The following MAGI2 variants were observed in gnomAD, a reference collection of about 807,000 sequenced individuals.
MAGI2 encodes membrane associated guanylate kinase, WW and PDZ domain containing 2.
A neutral mutation model predicts 133.3 loss-of-function variants in MAGI2; 35 were observed. The ratio of observed to expected loss-of-function variants is 0.26; its 90% CI spans 0.20 to 0.35. MAGI2 has a LOEUF of 0.35. MAGI2 is among the 10% of genes least tolerant of loss of function. The pLI is 1.00. For missense variants in MAGI2, 1,636 were observed against 1,863.4 expected (o/e 0.88, Z 2.25); for synonymous variants, 729 against 710.6 (o/e 1.03, Z -0.41).
chr7:78,059,775 A>ATTT (rs141199304), intron 21 of MAGI2, among the ~76,000 whole-genome samples: 147 of 89,444 alleles, frequency 1.6e-3, no homozygotes, highest in East Asian at 0.013. Context: ...ATATATATAT[A>ATTT]TATTTTTTTT....
intron 6 of MAGI2, among the ~76,000 whole-genome samples, chr7:78,445,341 G>A (rs1465225805): frequency 2.6e-5 from 4 of 151,958 alleles, no homozygotes; most frequent in East Asian, 1.9e-4. Context: ...ATCAACGAAC[G>A]ATTATAACTA....
intron 9 of MAGI2, among the ~76,000 whole-genome samples, chr7:78,259,418 A>G (rs941466005): frequency 1.3e-5 from 2 of 152,200 alleles, no homozygotes; most frequent in African/African-American, 4.8e-5. Context: ...ATGATGAACA[A>G]TAGTAATAGC....
chr7:78,290,342 G>A (rs942398105), intron 9 of MAGI2, among the ~76,000 whole-genome samples: 2 of 152,086 alleles, frequency 1.3e-5, no homozygotes, highest in Admixed American at 1.3e-4. Context: ...GGTCAAAAGA[G>A]ACAAAGAAGG....
At chr7:78,054,695 T>A (rs1317529638) in intron 21 of MAGI2, among the ~76,000 whole-genome samples, 3 of 151,982 alleles carry the variant, frequency 2.0e-5, no homozygotes, top group Non-Finnish European at 4.4e-5. Flanking sequence ...TCTTGCTCTC[T>A]GTCACCCAGG....
intron 1 of MAGI2, among the ~76,000 whole-genome samples, chr7:79,138,725 G>T (rs967119847): frequency 6.6e-6 from 1 of 152,082 alleles, no homozygotes; most frequent in Admixed American, 6.5e-5. Flanking sequence ...GTCAAAGATG[G>T]CCAGGCGCGG....
At chr7:79,438,871 A>G (rs1463851844) in intron 1 of MAGI2, among the ~76,000 whole-genome samples, 4 of 152,096 alleles carry the variant, frequency 2.6e-5, no homozygotes, top group Admixed American at 2.6e-4. Flanking sequence ...ACAGAAAACC[A>G]CTTTATGTTT....
In MAGI2 at chr7:79,090,266, TC is replaced by T. The variant is rs566725915; in HGVS notation, c.302-83061del. 8.8e-4 allele frequency among the ~76,000 whole-genome samples: 134 copies of T among 152,128 alleles called. 2 individuals are homozygous for T. In the Middle Eastern group the frequency reaches 0.014, roughly 16 times the overall value. Reference sequence around the variant, plus strand: ...TATTATTAATAATAGATAACTATTTTCTTTCTCCTCACAAAATTATTTAACC... The same window carrying T: ...TATTATTAATAATAGATAACTATTTTTTTCTCCTCACAAAATTATTTAACC... On this transcript the variant is annotated intron_variant, in intron 1 of 21. Transcript: ENST00000354212.
chr7:79,072,527 T>C (rs1815082137), intron 1 of MAGI2, among the ~76,000 whole-genome samples: 1 of 152,222 alleles, frequency 6.6e-6, no homozygotes, highest in African/African-American at 2.4e-5. Context: ...GACTACTATG[T>C]GGTTGATGTA....
chr7:78,536,815 C>T (rs1320828085), intron 3 of MAGI2, among the ~76,000 whole-genome samples: 3 of 138,728 alleles, frequency 2.2e-5, no homozygotes, highest in South Asian at 2.3e-4. Context: ...GGCTGGAGTG[C>T]GGTGGCGCGA....
At chr7:78,404,919 T>C (rs1325840774) in intron 6 of MAGI2, among the ~76,000 whole-genome samples, 1 of 152,206 alleles carries the variant, frequency 6.6e-6, no homozygotes, top group Non-Finnish European at 1.5e-5. Context: ...AATCTACCCA[T>C]CTGACAAAGG....
chr7:78,649,114 C>T (rs17382188), intron 2 of MAGI2, among the ~76,000 whole-genome samples: 1 of 150,444 alleles, frequency 6.6e-6, no homozygotes, highest in African/African-American at 2.4e-5. Flanking sequence ...CTTGTTAAAC[C>T]GCATGTCTGT....
At chr7:79,054,800 C>T (rs1938167395) in intron 1 of MAGI2, among the ~76,000 whole-genome samples, 1 of 152,052 alleles carries the variant, frequency 6.6e-6, no homozygotes, top group Admixed American at 6.5e-5. Flanking sequence ...CCAATTTGTC[C>T]CTTTGGGACA....
At chr7:78,296,386 C>T (rs529682312) in intron 9 of MAGI2, among the ~76,000 whole-genome samples, 3 of 152,274 alleles carry the variant, frequency 2.0e-5, no homozygotes, top group Non-Finnish European at 2.9e-5. Flanking sequence ...CTAGTATGCC[C>T]TTGCCTCACA....
chr7:79,093,352 T>C (rs1817231226), intron 1 of MAGI2, among the ~76,000 whole-genome samples: 1 of 152,152 alleles, frequency 6.6e-6, no homozygotes, highest in Admixed American at 6.6e-5. Flanking sequence ...TATATACAGG[T>C]ATACCTCAGA....
intron 2 of MAGI2, among the ~76,000 whole-genome samples, chr7:78,876,579 A>G (rs1055055446): frequency 6.6e-6 from 1 of 152,118 alleles, no homozygotes; most frequent in Non-Finnish European, 1.5e-5. Flanking sequence ...AAAAGGAAGG[A>G]GGGAGGGAAG....
chr7:78,870,142 G>T (rs1477167160), intron 2 of MAGI2, among the ~76,000 whole-genome samples: 2 of 151,764 alleles, frequency 1.3e-5, no homozygotes, highest in Non-Finnish European at 2.9e-5. Context: ...TCAAAAAGTG[G>T]GCAAATGGCT....
chr7:78,900,223 T>C (rs1390160806), intron 2 of MAGI2, among the ~76,000 whole-genome samples: 1 of 152,226 alleles, frequency 6.6e-6, no homozygotes, highest in Non-Finnish European at 1.5e-5. Context: ...TTGGACTTCC[T>C]GCTGCCTCAT....
chr7:78,996,787 A>G (rs1187165385), intron 2 of MAGI2, among the ~76,000 whole-genome samples: 1 of 152,194 alleles, frequency 6.6e-6, no homozygotes, highest in Non-Finnish European at 1.5e-5. Context: ...TCTGGAAATA[A>G]GTATGTTAAA....
At chr7:78,617,911 T>C (rs2150930079) in intron 3 of MAGI2, 1 of 152,110 alleles carries the variant, frequency 6.6e-6, no homozygotes, top group Non-Finnish European at 1.5e-5. Context: ...AGACCTGAGG[T>C]CAACTAGATT....
Sources: gnomAD v4.1 joint callset for allele counts (sites outside exome capture counted in the v4.1 genomes callset) on GRCh38, gnomAD v4.1.1 for gene constraint, MANE v1.5 for transcripts, NCBI Gene and HGNC (gene_info 2026-07-23, HGNC 2026-07-21) for gene names.